Variants in PHF13 observed in about 807,000 individuals in gnomAD.
The protein encoded by PHF13 is PHD zinc finger protein PHF5.
A neutral mutation model predicts 25.8 loss-of-function variants in PHF13; 1 was observed. The ratio of observed to expected loss-of-function variants is 0.04; its 90% CI spans 0.01 to 0.18. The LOEUF is 0.18. PHF13 is among the 10% of genes least tolerant of loss of function. The pLI is 1.00. For synonymous variants in PHF13, 195 were observed against 162.4 expected (o/e 1.20, Z -1.53); for missense variants, 306 against 403.2 (o/e 0.76, Z 2.06).
chr1:6,622,608 T>TCTC lies in PHF13; in HGVS notation c.*973_*975dup, dbSNP rs939507195. The TCTC allele has an allele frequency of 5.9e-5, 9 of 151,834 alleles. No individual in the cohort carries two copies. The highest frequency in any genetic ancestry group is 2.2e-4 in the African/African-American group (9 of 41,336). 9.4% of individuals were successfully genotyped at this position (151,834 alleles called of 1,614,324 possible). A position where few individuals can be genotyped will look rare whatever the true frequency, so the allele number is the denominator to read the frequency against. On this transcript the variant is annotated 3_prime_UTR_variant, in exon 4 of 4. Coordinates refer to ENST00000377648, the MANE Select transcript of PHF13 (RefSeq NM_153812.3). The stretch of plus-strand genomic sequence containing the variant: ...GTAAAGGAGAGCTGGGAGGGAGCCC[T>TCTC]CTCCGTTGGGTGACTCTTGTGTGCC...
rs760143074 is a variant in PHF13 at position 6,614,059 on chromosome 1, C to T, written c.-8C>T. ...CTCTCGCAGCCGCCGCCGCCCCCCG[C>T]CCGGAACATGGACTCTGACTCTTGC... On this transcript the variant is annotated 5_prime_UTR_variant, in exon 1 of 4. Transcript: ENST00000377648. 1.3e-6 allele frequency: 2 copies of T among 1,592,956 alleles called. No homozygotes were observed. The highest frequency in any genetic ancestry group is 1.4e-5 in the African/African-American group (1 of 71,644).
At position 6,620,039 on chromosome 1, in the gene PHF13, C is replaced by T. The variant is rs1206075412; in HGVS notation, c.378C>T (p.Asp126=). 4 of 1,613,676 alleles carry T rather than the reference C, an allele frequency of 2.5e-6. No homozygotes were observed. The Admixed American group carries it at 5.0e-5, about 20-fold the overall frequency. ...AGAAGAAGAAGAGGAAGCGCAGGGA[C>T]AGTGATGCGCCTGGGAAAGAGGGGT... is the stretch of plus-strand genomic sequence containing the variant. ...LKKKKKRKRR[D]SDAPGKEGYR... Residue 126 remains aspartate (D), a synonymous_variant, in exon 3 of 4, where the codon GAC becomes GAT. Coordinates refer to ENST00000377648, the MANE Select transcript of PHF13 (RefSeq NM_153812.3).
intron 1 of PHF13, among the ~76,000 whole-genome samples, chr1:6,615,665 G>C (rs1266013092): frequency 1.3e-5 from 2 of 152,166 alleles, no homozygotes; most frequent in Admixed American, 1.3e-4. Flanking sequence ...CGTGCCGGGC[G>C]AATAAACAGC....
chr1:6,620,875 A>G (rs1463845374), intron 3 of PHF13, among the ~76,000 whole-genome samples: 1 of 151,756 alleles, frequency 6.6e-6, no homozygotes, highest in Admixed American at 6.6e-5. Context: ...AAAAAAAAAA[A>G]GAAAAAATTA....
At chr1:6,614,935 G>A (rs888925229) in intron 1 of PHF13, among the ~76,000 whole-genome samples, 1 of 151,282 alleles carries the variant, frequency 6.6e-6, no homozygotes, top group Non-Finnish European at 1.5e-5. Flanking sequence ...GCCGGAGCCC[G>A]CCGGTCTCGC....
rs986525496 is a variant in PHF13 at position 6,620,125 on chromosome 1, C to G, written c.464C>G (p.Pro155Arg). The G allele has an allele frequency of 2.5e-6, 4 of 1,613,546 alleles. No homozygotes were observed. The African/African-American group carries it at 4.0e-5, about 16-fold the overall frequency. ...ADPYVETPTS[P>R]TLQDIPQAPS... ...CCCTACGTGGAGACCCCCACGAGTC[C>G]CACCTTGCAGGATATCCCCCAGGCT... is the stretch of plus-strand genomic sequence containing the variant. Residue 155 changes from proline to arginine, a missense_variant, in exon 3 of 4, where the codon CCC becomes CGC. Physicochemically the swap from Pro to Arg is moderately radical, Grantham distance 103. Around this residue, in one of 5 missense-constraint regions of PHF13, gnomAD observed 186 missense variants for 164.0 expected, o/e 1.13. Coordinates refer to ENST00000377648, the MANE Select transcript of PHF13 (RefSeq NM_153812.3).
chr1:6,618,466 T>C (rs1641292522), intron 2 of PHF13, among the ~76,000 whole-genome samples: 1 of 152,168 alleles, frequency 6.6e-6, no homozygotes, highest in Non-Finnish European at 1.5e-5. Flanking sequence ...AAGGTCTCAC[T>C]GTGTTGCTGA....
Position 6,620,200 on chromosome 1 carries a change from C to G in PHF13, c.539C>G (p.Ser180Cys). The part of the protein sequence containing the change: ...GWDSDTPSSG[S>C]CATVSPDQVK... ...GACTCCGATACTCCCTCGAGTGGAT[C>G]TTGTGCCACTGTGTCACCTGATCAG... Residue 180 changes from serine (S) to cysteine (C), a missense_variant, in exon 3 of 4, where the codon TCT (serine) becomes TGT (cysteine). By Grantham distance (112) the Ser-to-Cys change is moderately radical (BLOSUM62 -1). Around this residue, in one of 5 missense-constraint regions of PHF13, gnomAD observed 186 missense variants for 164.0 expected, o/e 1.13. Transcript: ENST00000377648. 6.2e-7 allele frequency: 1 copy of G among 1,614,006 alleles called. No homozygotes were observed. The highest frequency in any genetic ancestry group is 2.2e-5 in the East Asian group (1 of 44,866).
chr1:6,617,089 A>T (rs1281487612), intron 2 of PHF13, among the ~76,000 whole-genome samples: 1 of 152,234 alleles, frequency 6.6e-6, no homozygotes, highest in Non-Finnish European at 1.5e-5. Flanking sequence ...AGGCTTGTCT[A>T]GAAAATGATT....
chr1:6,616,399 G>A (rs1387755594), intron 1 of PHF13, among the ~76,000 whole-genome samples: 2 of 152,286 alleles, frequency 1.3e-5, no homozygotes, highest in Non-Finnish European at 1.5e-5. Flanking sequence ...ACTCAGAATG[G>A]AAAATCTGTA....
rs566117126 is a variant in PHF13 at position 6,622,472 on chromosome 1, G to C, written c.*835G>C. The C allele has an allele frequency of 6.5e-6, 1 of 152,824 alleles. No individual in the cohort carries two copies. Among genetic ancestry groups the C allele is most frequent in the South Asian group, 2.1e-4 (1 of 4,824 alleles). The allele number at this position is 152,824 out of a possible 1,614,324, so 9.5% of individuals were successfully genotyped here. On this transcript the variant is annotated 3_prime_UTR_variant, in exon 4 of 4. Coordinates refer to ENST00000377648, the MANE Select transcript of PHF13 (RefSeq NM_153812.3). ...GTGGGCTCAGGCCAGCTGTTTGCGA[G>C]TGTGGGAACTCATAGGTTCTGTCTT...
chr1:6,618,757 G>A (rs1641297987), intron 2 of PHF13, among the ~76,000 whole-genome samples: 2 of 152,022 alleles, frequency 1.3e-5, no homozygotes, highest in Admixed American at 6.6e-5. Flanking sequence ...AATTCTCCCT[G>A]CTTCAGCCTC....
At chr1:6,614,189 C>T in intron 1 of PHF13, 84 bp downstream of exon 1, 1 of 1,316,692 alleles carries the variant, frequency 7.6e-7, no homozygotes, top group Admixed American at 1.8e-5. Context: ...CCCCGGTCGC[C>T]CGGAGCGCCG....
chr1:6,619,598 C>G (rs534855459), intron 2 of PHF13, among the ~76,000 whole-genome samples: 1 of 152,322 alleles, frequency 6.6e-6, no homozygotes, highest in African/African-American at 2.4e-5. Flanking sequence ...CTTGGCGTCC[C>G]AGAGTGCTGG....
chr1:6,620,007 C>T lies in PHF13; in HGVS notation c.346C>T (p.Leu116=), dbSNP rs1462548875. ...FLLDRKKTDK[L]KKKKKRKRRD... ...GCTGGACAGAAAGAAAACGGACAAG[C>T]TGAAGAAGAAGAAGAAGAGGAAGCG... The change falls in exon 3 of 4, where the codon CTG becomes TTG. Residue 116 remains leucine (L), a synonymous_variant. Coordinates refer to ENST00000377648, the MANE Select transcript of PHF13 (RefSeq NM_153812.3). The T allele has an allele frequency of 1.1e-5, 17 of 1,613,636 alleles. No homozygotes were observed. Among genetic ancestry groups the T allele is most frequent in the Non-Finnish European group, 1.4e-5 (16 of 1,179,980 alleles).
At position 6,620,262 on chromosome 1, in the gene PHF13, G is replaced by T. The variant is rs1001489005; in HGVS notation, c.601G>T (p.Val201Phe). The change falls in exon 3 of 4, where the codon GTC becomes TTC. Residue 201 changes from valine (V) to phenylalanine (F), a missense_variant. This residue lies in a region of PHF13 where 186 missense variants were observed against 164.0 expected (regional missense o/e 1.13). Coordinates refer to ENST00000377648, the MANE Select transcript of PHF13 (RefSeq NM_153812.3). ...AAAAACTGAAGGCAAACGGACTATC[G>T]TCCGGCAGGGAAAGCAGGTGGTGTT... ...EIKTEGKRTI[V>F]RQGKQVVFRD... 1 of 1,613,916 alleles carries T rather than the reference G, an allele frequency of 6.2e-7. No homozygotes were observed. Among genetic ancestry groups the T allele is most frequent in the Non-Finnish European group, 8.5e-7 (1 of 1,179,996 alleles).
rs1641354134 is a variant in PHF13, at chr1:6,622,502, T to C, written c.*865T>C. 6.6e-6 allele frequency: 1 copy of C among 152,668 alleles called. No individual in the cohort carries two copies. The highest frequency in any genetic ancestry group is 1.5e-5 in the Non-Finnish European group (1 of 68,102). 9.5% of individuals were successfully genotyped at this position (152,668 alleles called of 1,614,324 possible). Reference sequence around the variant, plus strand: ...GGAACTCATAGGTTCTGTCTTTGTCTCTTCCTTTCACCTCATTCTGGTAGC... The same window carrying C: ...GGAACTCATAGGTTCTGTCTTTGTCCCTTCCTTTCACCTCATTCTGGTAGC... On this transcript the variant is annotated 3_prime_UTR_variant, in exon 4 of 4. Coordinates refer to ENST00000377648, the MANE Select transcript of PHF13 (RefSeq NM_153812.3).
intron 1 of PHF13, among the ~76,000 whole-genome samples, chr1:6,615,152 C>T (rs980174444): frequency 1.3e-5 from 2 of 151,440 alleles, no homozygotes; most frequent in Admixed American, 1.3e-4. Flanking sequence ...CGGCGTGGGC[C>T]GTGTGGGGGC....
Position 6,619,939 on chromosome 1 carries a change from T to C in PHF13, c.278T>C (p.Leu93Pro), listed in dbSNP as rs774452698. The C allele has an allele frequency of 6.2e-7, 1 of 1,613,972 alleles. No homozygotes were observed. Among genetic ancestry groups the C allele is most frequent in the Admixed American group, 1.7e-5 (1 of 59,994 alleles). ...LPVSDRCFSHLQPTLLQRAKP... is the reference protein window; with the variant it reads ...LPVSDRCFSHPQPTLLQRAKP... The stretch of plus-strand genomic sequence containing the variant: ...GTCTCTGACCGCTGCTTTAGCCACC[T>C]GCAGCCTACTCTCTTGCAGCGAGCC... Residue 93 changes from leucine to proline, a missense_variant, in exon 3 of 4, where the codon CTG becomes CCG. Leu to Pro is a moderately conservative substitution (Grantham distance 98). This residue lies in a region of PHF13 where 186 missense variants were observed against 164.0 expected (regional missense o/e 1.13). Coordinates refer to ENST00000377648, the MANE Select transcript of PHF13 (RefSeq NM_153812.3).
Sources: allele counts gnomAD v4.1 joint callset (sites outside exome capture counted in the v4.1 genomes callset), GRCh38; gene constraint gnomAD v4.1.1; regional missense constraint gnomAD v4.1.1; transcripts MANE v1.5; gene names NCBI Gene and HGNC (gene_info 2026-07-23, HGNC 2026-07-21).